Variants in MCC observed in about 807,000 individuals in gnomAD.
MCC encodes colorectal mutant cancer protein.
MCC carries 90 observed loss-of-function variants against 116.2 expected under a neutral mutation model. The ratio of observed to expected loss-of-function variants is 0.77; its 90% CI spans 0.65 to 0.92. MCC has a LOEUF of 0.92. Ranked by LOEUF, MCC falls within the 40% of genes least tolerant of loss-of-function variation. The pLI is 0.00. For synonymous variants in MCC, 578 were observed against 510.5 expected (o/e 1.13, Z -1.78); for missense variants, 1,516 against 1,312.2 (o/e 1.16, Z -2.40).
rs528128141 is a variant in MCC at position 113,083,021 on chromosome 5, G to C, written c.1636-13C>G. 1.5e-5 allele frequency: 24 copies of C among 1,608,030 alleles called. No homozygotes were observed. In the South Asian group the frequency reaches 2.3e-4, roughly 16 times the overall value. ...CACTGCTGGATACCTGCAAAAAGAAGCATTAATTCCCCTTTGGAACATATC... is the reference window on the plus strand; with the variant it reads ...CACTGCTGGATACCTGCAAAAAGAACCATTAATTCCCCTTTGGAACATATC... On this transcript the variant is annotated splice_polypyrimidine_tract_variant and intron_variant, in intron 10 of 18. Transcript: ENST00000408903.
chr5:113,110,400 G>A (rs1044449544), intron 6 of MCC, among the ~76,000 whole-genome samples: 3 of 152,218 alleles, frequency 2.0e-5, no homozygotes, highest in African/African-American at 7.2e-5. Context: ...ACAGAAAGGA[G>A]GAAGCATTCC....
At chr5:113,156,426 T>G (rs1375102822) in intron 3 of MCC, among the ~76,000 whole-genome samples, 1 of 152,174 alleles carries the variant, frequency 6.6e-6, no homozygotes, top group African/African-American at 2.4e-5. Flanking sequence ...TTGTTTGAAG[T>G]CAACAACCTT....
intron 3 of MCC, among the ~76,000 whole-genome samples, chr5:113,327,555 A>ATATATATATAT (rs1295231073): frequency 2.0e-4 from 16 of 80,958 alleles, no homozygotes; most frequent in Non-Finnish European, 3.7e-4. Context: ...CAAAAAAAAA[A>ATATATATATAT]AAAAAAATAT....
In MCC at chr5:113,151,405, C is replaced by T; in HGVS notation, c.645G>A (p.Leu215=). 6.2e-7 allele frequency: 1 copy of T among 1,608,842 alleles called. No homozygotes were observed. Among genetic ancestry groups the T allele is most frequent in the East Asian group, 2.2e-5 (1 of 44,774 alleles). Residue 215 remains leucine (L), a synonymous_variant, in exon 4 of 19, where the codon CTG becomes CTA. Transcript: ENST00000408903. Reference sequence around the variant, plus strand: ...CCACTATATCTCCCTTTAGTGATGCCAGGGCTGCTGAATGGAGCTGTGGTG... The same window carrying T: ...CCACTATATCTCCCTTTAGTGATGCTAGGGCTGCTGAATGGAGCTGTGGTG... ...ELANTLHSAA[L]ASLKGDIVEL...
intron 3 of MCC, among the ~76,000 whole-genome samples, chr5:113,193,040 C>T (rs1334382692): frequency 3.9e-5 from 6 of 152,168 alleles, no homozygotes; most frequent in Admixed American, 1.3e-4. Flanking sequence ...GAATTTATTT[C>T]CTCAGCTCTT....
chr5:113,058,445 C>T (rs1222494913), intron 14 of MCC, among the ~76,000 whole-genome samples: 4 of 152,126 alleles, frequency 2.6e-5, no homozygotes, highest in African/African-American at 9.7e-5. Flanking sequence ...AGGTGGAGCC[C>T]AGCAATCTGT....
chr5:113,343,466 G>A (rs1457149761), intron 2 of MCC, among the ~76,000 whole-genome samples: 1 of 152,172 alleles, frequency 6.6e-6, no homozygotes, highest in Non-Finnish European at 1.5e-5. Context: ...TCTGTTATCT[G>A]CCTAAATGCC....
chr5:113,453,966 CG>C (rs779035001), intron 1 of MCC, among the ~76,000 whole-genome samples: 7 of 152,012 alleles, frequency 4.6e-5, no homozygotes, highest in Admixed American at 1.3e-4. Context: ...CAAAATTAGC[CG>C]GGTGTGATGG....
At chr5:113,444,970 G>A (rs1222694876) in intron 1 of MCC, among the ~76,000 whole-genome samples, 1 of 152,214 alleles carries the variant, frequency 6.6e-6, no homozygotes, top group Non-Finnish European at 1.5e-5. Context: ...TCCAAGGGCA[G>A]AGCTAGTAAA....
At chr5:113,147,980 A>G (rs1440820771) in intron 4 of MCC, among the ~76,000 whole-genome samples, 2 of 152,224 alleles carry the variant, frequency 1.3e-5, no homozygotes, top group Non-Finnish European at 2.9e-5. Flanking sequence ...AAAGATAAGG[A>G]GCTTACGAAG....
intron 14 of MCC, among the ~76,000 whole-genome samples, chr5:113,058,934 AG>A (rs1281378755): frequency 2.6e-5 from 4 of 152,206 alleles, no homozygotes; most frequent in Non-Finnish European, 5.9e-5. Context: ...GGCCACCAGC[AG>A]GTCATCCAGA....
chr5:113,252,707 C>T (rs1449089802), intron 3 of MCC, among the ~76,000 whole-genome samples: 1 of 152,204 alleles, frequency 6.6e-6, no homozygotes, highest in African/African-American at 2.4e-5. Context: ...AATTGTCTTC[C>T]AGGAAACTGG....
At chr5:113,365,457 A>G (rs1189951300) in intron 2 of MCC, among the ~76,000 whole-genome samples, 2 of 152,206 alleles carry the variant, frequency 1.3e-5, no homozygotes, top group Non-Finnish European at 2.9e-5. Context: ...GCACTGTCAT[A>G]ACCATTCAAC....
chr5:113,073,579 C>T (rs1490817984), intron 11 of MCC, among the ~76,000 whole-genome samples: 1 of 152,200 alleles, frequency 6.6e-6, no homozygotes, highest in African/African-American at 2.4e-5. Context: ...TTCAGTTCCG[C>T]TGGCCTTTGG....
intron 2 of MCC, among the ~76,000 whole-genome samples, chr5:113,370,753 C>T (rs1271391081): frequency 1.3e-5 from 2 of 152,178 alleles, no homozygotes; most frequent in African/African-American, 2.4e-5. Context: ...CAGCATTGAA[C>T]ATATATGCAT....
At chr5:113,108,329 C>CT (rs201130548) in intron 6 of MCC, among the ~76,000 whole-genome samples, 4 of 45,304 alleles carry the variant, frequency 8.8e-5, no homozygotes, top group Admixed American at 7.9e-4. Context: ...AACACTCTAT[C>CT]TTAAAAAAAA....
intron 5 of MCC, among the ~76,000 whole-genome samples, chr5:113,140,126 T>C (rs1278696503): frequency 2.0e-5 from 3 of 152,240 alleles, no homozygotes; most frequent in Non-Finnish European, 4.4e-5. Flanking sequence ...GGTGCTTTAC[T>C]TGTATCTTTC....
chr5:113,197,481 T>C (rs78625652), intron 3 of MCC, among the ~76,000 whole-genome samples: 3 of 152,078 alleles, frequency 2.0e-5, no homozygotes, highest in African/African-American at 7.2e-5. Context: ...TTGAAGAGGG[T>C]GAATTGTATG....
chr5:113,438,283 T>G (rs1770920241), intron 1 of MCC, among the ~76,000 whole-genome samples: 1 of 152,108 alleles, frequency 6.6e-6, no homozygotes, highest in Non-Finnish European at 1.5e-5. Context: ...AGACATGTTA[T>G]CAAGGGTTCC....
Sources: gnomAD v4.1 joint callset for allele counts (sites outside exome capture counted in the v4.1 genomes callset) on GRCh38, gnomAD v4.1.1 for gene constraint, MANE v1.5 for transcripts, NCBI Gene and HGNC (gene_info 2026-07-23, HGNC 2026-07-21) for gene names.